FNDC3A: variants seen among roughly 807,000 people sequenced by gnomAD.
FNDC3A encodes the protein fibronectin type-III domain-containing protein 3A.
In FNDC3A, 32 loss-of-function variants were observed where a neutral mutation model predicts 148.9. The observed-to-expected ratio is 0.21, with a 90% confidence interval of 0.16 to 0.29. The LOEUF (loss-of-function observed/expected upper bound fraction) is 0.29, where lower values mean the gene tolerates loss of function less well. FNDC3A is among the 10% of genes least tolerant of loss of function. FNDC3A has a pLI of 1.00. For missense variants in FNDC3A, 1,191 were observed against 1,452.8 expected (o/e 0.82, Z 2.93); for synonymous variants, 472 against 473.6 (o/e 1.00, Z 0.04).
intron 3 of FNDC3A, chr13:49,110,205 CT>C (rs3834947): frequency 7.8e-6 from 4 of 514,686 alleles, no homozygotes; most frequent in Admixed American, 4.3e-5. Flanking sequence ...GGAACGTTTG[CT>C]TTTTTTTCCC....
chr13:49,006,329 A>G, intron 2 of FNDC3A, 40 bp downstream of exon 2: 1 of 1,169,778 alleles, frequency 8.5e-7, no homozygotes, highest in Non-Finnish European at 1.3e-6. Flanking sequence ...TGTCTAATAC[A>G]CATGTATTTA....
At chr13:49,198,604 G>A in intron 23 of FNDC3A, 30 bp downstream of exon 23, 1 of 1,511,600 alleles carries the variant, frequency 6.6e-7, no homozygotes, top group Non-Finnish European at 9.2e-7. Flanking sequence ...TCTTTATATA[G>A]TTTCTTAGGT....
intron 1 of FNDC3A, among the ~76,000 whole-genome samples, chr13:49,000,773 A>T (rs146526020): frequency 6.6e-6 from 1 of 152,292 alleles, no homozygotes; most frequent in East Asian, 1.9e-4. Flanking sequence ...TTTTCAGTGT[A>T]TGGCTTTCAC....
At chr13:49,123,040 A>G (rs1386846413) in intron 4 of FNDC3A, among the ~76,000 whole-genome samples, 1 of 152,092 alleles carries the variant, frequency 6.6e-6, no homozygotes, top group Non-Finnish European at 1.5e-5. Context: ...ATATAGCCAA[A>G]ACAATCCTAA....
chr13:49,096,384 A>T (rs1323528994), intron 3 of FNDC3A, among the ~76,000 whole-genome samples: 1 of 152,144 alleles, frequency 6.6e-6, no homozygotes, highest in Non-Finnish European at 1.5e-5. Context: ...ATGAATTTTA[A>T]TCAAATCCAG....
chr13:49,085,635 A>T (rs1878757690), intron 3 of FNDC3A, among the ~76,000 whole-genome samples: 1 of 152,192 alleles, frequency 6.6e-6, no homozygotes, highest in Non-Finnish European at 1.5e-5. Flanking sequence ...AGTAGGCATG[A>T]GATATTACAC....
At chr13:49,003,560 TA>T (rs1269302235) in intron 1 of FNDC3A, among the ~76,000 whole-genome samples, 2 of 152,210 alleles carry the variant, frequency 1.3e-5, no homozygotes, top group African/African-American at 4.8e-5. Flanking sequence ...AAATCCAGTA[TA>T]TTTTTTTGTT....
At chr13:49,007,235 A>G (rs1952238434) in intron 2 of FNDC3A, among the ~76,000 whole-genome samples, 1 of 152,138 alleles carries the variant, frequency 6.6e-6, no homozygotes, top group Non-Finnish European at 1.5e-5. Flanking sequence ...CTGACAAGAT[A>G]AAGGGCTACT....
intron 14 of FNDC3A, among the ~76,000 whole-genome samples, chr13:49,181,931 G>A (rs933889942): frequency 2.6e-5 from 4 of 151,932 alleles, no homozygotes; most frequent in African/African-American, 9.7e-5. Context: ...AACAAGATAA[G>A]AACAGTGAAA....
At chr13:49,097,331 T>G (rs185281225) in intron 3 of FNDC3A, among the ~76,000 whole-genome samples, 1 of 151,596 alleles carries the variant, frequency 6.6e-6, no homozygotes. Context: ...AAAAAAAAAC[T>G]TAGAATGAGG....
chr13:49,017,086 G>T (rs1593475348), intron 2 of FNDC3A, among the ~76,000 whole-genome samples: 1 of 152,074 alleles, frequency 6.6e-6, no homozygotes, highest in Non-Finnish European at 1.5e-5. Flanking sequence ...CTGTTGATTT[G>T]GGGTGGAGAG....
rs756804734 is a variant in FNDC3A, at chr13:49,209,133, G to C, written c.*1738G>C. The C allele has an allele frequency of 6.6e-6, 1 of 152,494 alleles. No individual in the cohort carries two copies. The allele number at this position is 152,494 out of a possible 1,614,324, so 9.4% of individuals were successfully genotyped here. On this transcript the variant is annotated 3_prime_UTR_variant, in exon 26 of 26. Transcript: ENST00000492622. ...CCCAGAAACAACAGTGATTGCGATT[G>C]TTTTCTAGAAACTTCTTTAAAGTGC...
Position 49,092,966 on chromosome 13 carries a change from TAA to T in FNDC3A, c.175+17603_175+17604del, listed in dbSNP as rs139632812. 2.6e-3 allele frequency among the ~76,000 whole-genome samples: 396 copies of T among 152,308 alleles called. 9 individuals carry two copies. The East Asian group carries it at 0.041, about 16-fold the overall frequency. On this transcript the variant is annotated intron_variant, in intron 3 of 25. Coordinates refer to ENST00000492622, the MANE Select transcript of FNDC3A (RefSeq NM_001079673.2). Reference sequence around the variant, plus strand: ...GATTGCATTAATCAACTTTAAATCTTAAGAGAGGAACCTGAGATTCATAAAAA... The same window carrying T: ...GATTGCATTAATCAACTTTAAATCTTGAGAGGAACCTGAGATTCATAAAAA...
intron 4 of FNDC3A, among the ~76,000 whole-genome samples, chr13:49,115,185 G>GC (rs1284274096): frequency 6.7e-5 from 1 of 14,826 alleles, no homozygotes; most frequent in African/African-American, 2.8e-4. Context: ...GAGGGATGAG[G>GC]GGGGGGGGGA....
chr13:49,176,400 C>T (rs1279752179), intron 13 of FNDC3A, among the ~76,000 whole-genome samples: 1 of 152,058 alleles, frequency 6.6e-6, no homozygotes, highest in African/African-American at 2.4e-5. Flanking sequence ...CCAAACACTG[C>T]ATGTTCTCAC....
At chr13:49,015,808 A>G (rs1174745878) in intron 2 of FNDC3A, among the ~76,000 whole-genome samples, 2 of 151,846 alleles carry the variant, frequency 1.3e-5, no homozygotes, top group African/African-American at 4.8e-5. Context: ...AGTTTTTAGC[A>G]TGAAGCGTTG....
At chr13:49,139,486 G>C (rs1279677094) in intron 7 of FNDC3A, among the ~76,000 whole-genome samples, 1 of 152,132 alleles carries the variant, frequency 6.6e-6, no homozygotes, top group East Asian at 1.9e-4. Flanking sequence ...TGAGAAAACA[G>C]ATTAGAAAAG....
intron 8 of FNDC3A, among the ~76,000 whole-genome samples, chr13:49,160,819 G>T (rs1276938140): frequency 6.6e-6 from 1 of 151,468 alleles, no homozygotes; most frequent in Non-Finnish European, 1.5e-5. Flanking sequence ...GGTATGTTGT[G>T]TCTTTGTTCT....
intron 1 of FNDC3A, among the ~76,000 whole-genome samples, chr13:48,995,831 AATGAT>A (rs1276698772): frequency 1.2e-4 from 19 of 152,338 alleles, no homozygotes; most frequent in African/African-American, 3.6e-4. Context: ...TCTGATAAGA[AATGAT>A]AGGATAGTTT....
Sources: gnomAD v4.1 joint callset for allele counts (sites outside exome capture counted in the v4.1 genomes callset) on GRCh38, gnomAD v4.1.1 for gene constraint, MANE v1.5 for transcripts, NCBI Gene and HGNC (gene_info 2026-07-23, HGNC 2026-07-21) for gene names.